Variants in SNX30 observed in about 807,000 individuals in gnomAD.
The protein encoded by SNX30 is sorting nexin family member 30.
A neutral mutation model predicts 46.4 loss-of-function variants in SNX30; 24 were observed. That is an observed-to-expected ratio of 0.52 (90% CI 0.37 to 0.73). SNX30 has a LOEUF of 0.73. Among genes scored for constraint, SNX30 ranks in the 30% least tolerant of loss-of-function variants. The pLI, the probability that SNX30 is intolerant of heterozygous loss-of-function variation, is 0.00. For synonymous variants in SNX30, 189 were observed against 211.5 expected, an observed-to-expected ratio of 0.89 and a Z score of 0.92; for missense variants, 533 against 555.7, an observed-to-expected ratio of 0.96 and a Z score of 0.41.
chr9:112,847,414 C>T (rs997421035), intron 6 of SNX30, among the ~76,000 whole-genome samples: 7 of 150,892 alleles, frequency 4.6e-5, no homozygotes, highest in Non-Finnish European at 8.8e-5. Context: ...CATACAGAAA[C>T]GTTTAGTACA....
chr9:112,806,690 G>A (rs1229539256), intron 2 of SNX30, among the ~76,000 whole-genome samples: 1 of 152,154 alleles, frequency 6.6e-6, no homozygotes, highest in African/African-American at 2.4e-5. Context: ...GATGCTGAAG[G>A]CCACATGCTG....
intron 3 of SNX30, among the ~76,000 whole-genome samples, chr9:112,822,769 C>T (rs1329813240): frequency 1.3e-5 from 2 of 152,096 alleles, no homozygotes; most frequent in African/African-American, 4.8e-5. Context: ...GTTTGCTGTT[C>T]TGAATAGTGT....
At chr9:112,850,805 G>T in intron 6 of SNX30, 54 bp from the exon 7 acceptor site, 1 of 1,363,044 alleles carries the variant, frequency 7.3e-7, no homozygotes, top group South Asian at 1.2e-5. Flanking sequence ...CCTGGGGGTG[G>T]GAGGCCCCTT....
intron 1 of SNX30, 91 bp downstream of exon 1, chr9:112,751,248 G>T (rs1227968801): frequency 7.9e-7 from 1 of 1,266,086 alleles, no homozygotes; most frequent in South Asian, 2.2e-5. Context: ...CTGGGGCCGC[G>T]CCCACCCTGC....
At chr9:112,822,536 G>GTTT (rs139781990) in intron 3 of SNX30, among the ~76,000 whole-genome samples, 64,501 of 122,944 alleles carry the variant, frequency 0.52, 16,887 homozygotes, top group South Asian at 0.62. Flanking sequence ...TTGCTGTTTT[G>GTTT]TTTTGTTTTT....
At chr9:112,863,276 C>G (rs1281463356) in intron 7 of SNX30, among the ~76,000 whole-genome samples, 1 of 152,196 alleles carries the variant, frequency 6.6e-6, no homozygotes, top group African/African-American at 2.4e-5. Context: ...CCCCAGCACA[C>G]CAAACATAAA....
Position 112,868,896 on chromosome 9 carries a change from T to C in SNX30, c.*53T>C, listed in dbSNP as rs1356715178. The stretch of plus-strand genomic sequence containing the variant: ...TACCTACACAGGGCCTGGCACCCTA[T>C]ACCGGAATGTCCCTGCAGTGCCAGA... On this transcript the variant is annotated 3_prime_UTR_variant, in exon 9 of 9. Coordinates refer to ENST00000374232, the MANE Select transcript of SNX30 (RefSeq NM_001012994.2). 3 of 1,549,858 alleles carry C rather than the reference T, an allele frequency of 1.9e-6. No individual in the cohort carries two copies. Among genetic ancestry groups the C allele is most frequent in the African/African-American group, 1.4e-5 (1 of 73,672 alleles).
intron 4 of SNX30, among the ~76,000 whole-genome samples, chr9:112,833,561 A>T (rs1435196707): frequency 6.6e-6 from 1 of 152,260 alleles, no homozygotes; most frequent in African/African-American, 2.4e-5. Flanking sequence ...GCTCAATAGC[A>T]ACTATATTCA....
At chr9:112,849,457 C>G (rs975768741) in intron 6 of SNX30, among the ~76,000 whole-genome samples, 1 of 152,036 alleles carries the variant, frequency 6.6e-6, no homozygotes, top group African/African-American at 2.4e-5. Flanking sequence ...GATTATAAAA[C>G]GTTTCCATTA....
intron 1 of SNX30, among the ~76,000 whole-genome samples, chr9:112,795,926 G>C (rs1383652928): frequency 6.6e-6 from 1 of 152,152 alleles, no homozygotes; most frequent in Non-Finnish European, 1.5e-5. Flanking sequence ...GTATTGAGAA[G>C]GGTGTGAGTA....
intron 1 of SNX30, among the ~76,000 whole-genome samples, chr9:112,764,050 A>G (rs557729854): frequency 2.0e-5 from 3 of 152,074 alleles, no homozygotes; most frequent in South Asian, 2.1e-4. Flanking sequence ...TCCATGCCCT[A>G]TGTCCATGTA....
chr9:112,827,746 G>A (rs934862472), intron 3 of SNX30, among the ~76,000 whole-genome samples: 6 of 152,198 alleles, frequency 3.9e-5, no homozygotes, highest in Admixed American at 3.9e-4. Flanking sequence ...GGGGTTTGAG[G>A]AGGTTGTGGA....
chr9:112,804,553 G>T (rs1270217253), intron 1 of SNX30, among the ~76,000 whole-genome samples: 1 of 152,298 alleles, frequency 6.6e-6, no homozygotes, highest in East Asian at 1.9e-4. Context: ...CTTCCTAAAA[G>T]ATGAATTGGC....
At chr9:112,825,129 A>T (rs1008766088) in intron 3 of SNX30, among the ~76,000 whole-genome samples, 1 of 152,210 alleles carries the variant, frequency 6.6e-6, no homozygotes, top group Non-Finnish European at 1.5e-5. Flanking sequence ...TGGAGCATAT[A>T]GTAATTCTGT....
intron 8 of SNX30, chr9:112,866,562 T>TTTA: frequency 2.1e-6 from 1 of 470,012 alleles, no homozygotes; most frequent in South Asian, 1.6e-5. Context: ...ATCTTCCGTA[T>TTTA]ATAAGGTGGG....
chr9:112,768,897 C>T (rs934637519), intron 1 of SNX30, among the ~76,000 whole-genome samples: 10 of 151,934 alleles, frequency 6.6e-5, no homozygotes, highest in African/African-American at 1.5e-4. Flanking sequence ...CCTCGTGATC[C>T]GCCCACTTCA....
chr9:112,834,893 T>C (rs1840728307), intron 4 of SNX30, among the ~76,000 whole-genome samples: 1 of 122,414 alleles, frequency 8.2e-6, no homozygotes, highest in Admixed American at 7.6e-5. Flanking sequence ...CCTACCTCAA[T>C]AGGAAAGGCT....
At chr9:112,853,828 T>C (rs1841073433) in intron 7 of SNX30, among the ~76,000 whole-genome samples, 1 of 152,218 alleles carries the variant, frequency 6.6e-6, no homozygotes, top group African/African-American at 2.4e-5. Flanking sequence ...TCGATTGTGA[T>C]CGTCACTACA....
At chr9:112,862,028 A>G (rs1342929123) in intron 7 of SNX30, among the ~76,000 whole-genome samples, 1 of 152,248 alleles carries the variant, frequency 6.6e-6, no homozygotes, top group Non-Finnish European at 1.5e-5. Flanking sequence ...GTTGAGACCC[A>G]AGCACTTTTG....
Sources: allele counts gnomAD v4.1 joint callset (sites outside exome capture counted in the v4.1 genomes callset), GRCh38; gene constraint gnomAD v4.1.1; transcripts MANE v1.5; gene names NCBI Gene and HGNC (gene_info 2026-07-23, HGNC 2026-07-21).